Variants in ELMO1 observed in about 807,000 individuals in gnomAD.
The protein encoded by ELMO1 is engulfment and cell motility protein 1.
ELMO1 carries 26 observed loss-of-function variants against 98.9 expected under a neutral mutation model. That is an observed-to-expected ratio of 0.26 (90% CI 0.19 to 0.36). ELMO1 has a LOEUF of 0.36. Ranked by LOEUF, ELMO1 falls within the 10% of genes least tolerant of loss-of-function variation. The probability of loss-of-function intolerance (pLI) is 1.00; values close to 1 mark genes in which losing one functional copy is unlikely to be tolerated. For synonymous variants in ELMO1, 346 were observed against 346.0 expected (o/e 1.00, Z 0.00); for missense variants, 627 against 935.2 (o/e 0.67, Z 4.30).
At chr7:37,325,850 G>A (rs1047158823) in intron 2 of ELMO1, among the ~76,000 whole-genome samples, 1 of 152,186 alleles carries the variant, frequency 6.6e-6, no homozygotes, top group African/African-American at 2.4e-5. Context: ...CGTGTACAAT[G>A]TGACTTGAAG....
chr7:36,987,510 A>G (rs1399415762), intron 16 of ELMO1, among the ~76,000 whole-genome samples: 4 of 152,140 alleles, frequency 2.6e-5, no homozygotes, highest in South Asian at 2.1e-4. Flanking sequence ...CCTTGGCATC[A>G]TAACAACCTC....
intron 4 of ELMO1, among the ~76,000 whole-genome samples, chr7:37,287,926 C>T (rs958475862): frequency 2.0e-5 from 3 of 152,142 alleles, no homozygotes; most frequent in African/African-American, 7.2e-5. Flanking sequence ...CCCTGTTATC[C>T]TCCAGTCTTG....
intron 5 of ELMO1, chr7:37,270,449 G>C (rs1796492996): frequency 6.6e-6 from 1 of 152,220 alleles, no homozygotes; most frequent in Non-Finnish European, 1.5e-5. Context: ...ATTTTAGCCA[G>C]ATGCTTTTCC....
At chr7:36,877,135 G>A (rs141107022) in intron 19 of ELMO1, among the ~76,000 whole-genome samples, 1 of 152,348 alleles carries the variant, frequency 6.6e-6, no homozygotes, top group Non-Finnish European at 1.5e-5. Context: ...AGGACAGAAG[G>A]TGTGAGACTC....
intron 1 of ELMO1, among the ~76,000 whole-genome samples, chr7:37,436,671 T>C (rs1805155890): frequency 6.6e-6 from 1 of 152,214 alleles, no homozygotes. Flanking sequence ...TGTAAGCTAG[T>C]TGCTGCCTTT....
At chr7:36,953,619 G>A (rs1788182193) in intron 16 of ELMO1, among the ~76,000 whole-genome samples, 1 of 152,008 alleles carries the variant, frequency 6.6e-6, no homozygotes, top group South Asian at 2.1e-4. Context: ...CTTTTTATAT[G>A]TAAATAATGA....
chr7:37,083,051 G>T (rs1371375525), intron 15 of ELMO1, among the ~76,000 whole-genome samples: 1 of 152,190 alleles, frequency 6.6e-6, no homozygotes, highest in Non-Finnish European at 1.5e-5. Context: ...GGGGCCACCT[G>T]GACAATCCCA....
At chr7:37,364,124 C>A (rs1801806052) in intron 1 of ELMO1, among the ~76,000 whole-genome samples, 1 of 152,188 alleles carries the variant, frequency 6.6e-6, no homozygotes, top group Non-Finnish European at 1.5e-5. Flanking sequence ...AACACCATAC[C>A]CCATACCTGG....
intron 8 of ELMO1, 44 bp from the exon 9 acceptor site, chr7:37,225,074 G>C (rs773496750): frequency 3.1e-6 from 5 of 1,610,148 alleles, no homozygotes; most frequent in Non-Finnish European, 4.2e-6. Context: ...GTGGTAAGTA[G>C]AGCAGAGACG....
At chr7:36,929,339 A>G (rs540377195) in intron 16 of ELMO1, among the ~76,000 whole-genome samples, 1 of 152,180 alleles carries the variant, frequency 6.6e-6, no homozygotes, top group Non-Finnish European at 1.5e-5. Context: ...TCCCCCGTTA[A>G]GTCTCCTGCC....
At chr7:37,133,678 G>A (rs917689696) in intron 13 of ELMO1, among the ~76,000 whole-genome samples, 2 of 152,138 alleles carry the variant, frequency 1.3e-5, no homozygotes. Context: ...GCATCCTTAC[G>A]TGGGAGGTTA....
chr7:37,021,796 T>C (rs1360380496), intron 15 of ELMO1, among the ~76,000 whole-genome samples: 1 of 152,168 alleles, frequency 6.6e-6, no homozygotes, highest in Non-Finnish European at 1.5e-5. Context: ...CAGTCGTTAC[T>C]AGTTTTAATA....
intron 15 of ELMO1, among the ~76,000 whole-genome samples, chr7:37,092,809 C>T (rs549842206): frequency 3.3e-5 from 5 of 152,096 alleles, no homozygotes; most frequent in Admixed American, 6.5e-5. Context: ...GAAACATTCT[C>T]AAGGCATACA....
chr7:37,021,763 G>A (rs535587311), intron 15 of ELMO1, among the ~76,000 whole-genome samples: 1 of 152,018 alleles, frequency 6.6e-6, no homozygotes, highest in South Asian at 2.1e-4. Flanking sequence ...TATGTTAACC[G>A]AGATAAAGAA....
intron 5 of ELMO1, among the ~76,000 whole-genome samples, chr7:37,263,780 C>T (rs189796782): frequency 7.8e-4 from 118 of 152,244 alleles, no homozygotes; most frequent in Admixed American, 1.3e-3. Flanking sequence ...CTGGGGTCTG[C>T]AGGCCAGGGG....
chr7:37,044,118 A>G (rs1266463633), intron 15 of ELMO1, among the ~76,000 whole-genome samples: 1 of 152,162 alleles, frequency 6.6e-6, no homozygotes, highest in African/African-American at 2.4e-5. Context: ...TTTTTGTACA[A>G]AACAAAATAC....
chr7:37,073,194 T>C (rs1380548608), intron 15 of ELMO1, among the ~76,000 whole-genome samples: 1 of 152,172 alleles, frequency 6.6e-6, no homozygotes, highest in Non-Finnish European at 1.5e-5. Context: ...GAAATAGACA[T>C]CTTTTGAACA....
At chr7:37,406,870 G>A (rs1384384461) in intron 1 of ELMO1, among the ~76,000 whole-genome samples, 1 of 152,170 alleles carries the variant, frequency 6.6e-6, no homozygotes, top group Non-Finnish European at 1.5e-5. Flanking sequence ...TAATATAACA[G>A]TAAGATAGAT....
chr7:37,172,617 T>C (rs1425663168), intron 13 of ELMO1, among the ~76,000 whole-genome samples: 1 of 152,220 alleles, frequency 6.6e-6, no homozygotes, highest in Non-Finnish European at 1.5e-5. Flanking sequence ...AAGGTACTAA[T>C]AACCTTGATT....
Sources: allele counts gnomAD v4.1 joint callset (sites outside exome capture counted in the v4.1 genomes callset), GRCh38; gene constraint gnomAD v4.1.1; transcripts MANE v1.5; gene names NCBI Gene and HGNC (gene_info 2026-07-23, HGNC 2026-07-21).